The following DDX60 variants were observed in gnomAD, a reference collection of about 807,000 sequenced individuals.
The protein encoded by DDX60 is DExD/H-box helicase 60.
A neutral mutation model predicts 212.8 loss-of-function variants in DDX60; 165 were observed. That is an observed-to-expected ratio of 0.78 (90% CI 0.68 to 0.88). The LOEUF is 0.88. Among genes scored for constraint, DDX60 ranks in the 40% least tolerant of loss-of-function variants. The pLI, the probability that DDX60 is intolerant of heterozygous loss-of-function variation, is 0.00. For synonymous variants in DDX60, 703 were observed against 685.3 expected, an observed-to-expected ratio of 1.03 and a Z score of -0.40; for missense variants, 1,905 against 2,003.9, an observed-to-expected ratio of 0.95 and a Z score of 0.94.
At chr4:168,232,251 T>C (rs749462154) in intron 33 of DDX60, among the ~76,000 whole-genome samples, 1 of 152,198 alleles carries the variant, frequency 6.6e-6, no homozygotes, top group Non-Finnish European at 1.5e-5. Context: ...ATCATGCTCA[T>C]GTATGAGTAG....
chr4:168,307,142 T>C (rs974803777), intron 4 of DDX60, among the ~76,000 whole-genome samples: 1 of 152,190 alleles, frequency 6.6e-6, no homozygotes, highest in African/African-American at 2.4e-5. Flanking sequence ...TGTCTCGGCA[T>C]AACAAAATTG....
At chr4:168,265,735 A>T (rs956917971) in intron 22 of DDX60, 1 of 152,070 alleles carries the variant, frequency 6.6e-6, no homozygotes, top group African/African-American at 2.4e-5. Context: ...AATAATTTTT[A>T]AAAACTATAC....
At chr4:168,258,064 A>G (rs561463140) in intron 25 of DDX60, among the ~76,000 whole-genome samples, 1 of 152,362 alleles carries the variant, frequency 6.6e-6, no homozygotes, top group Admixed American at 6.5e-5. Context: ...TATCTCAGCC[A>G]TGCAAGCATG....
Position 168,306,525 on chromosome 4 carries a change from G to T in DDX60, c.460C>A (p.Gln154Lys). ...ATTAAAAAGTTGAAAAGCTGTGTTT[G>T]TAGATCGTTCAGGCCTTCGTCTGCA... ...IVADEGLNDL[Q>K]TQLFNFLIIH... The change falls in exon 5 of 38, where the codon CAA becomes AAA. Residue 154 changes from glutamine (Q) to lysine (K), a missense_variant. By Grantham distance (53) the Gln-to-Lys change is moderately conservative. Coordinates refer to ENST00000393743, the MANE Select transcript of DDX60 (RefSeq NM_017631.6). The T allele has an allele frequency of 6.2e-7, 1 of 1,614,160 alleles. No individual in the cohort carries two copies. The highest frequency in any genetic ancestry group is 8.5e-7 in the Non-Finnish European group (1 of 1,180,008).
intron 13 of DDX60, 82 bp downstream of exon 13, chr4:168,283,364 A>G: frequency 8.1e-7 from 1 of 1,235,460 alleles, no homozygotes; most frequent in Non-Finnish European, 1.1e-6. Context: ...ATATAAAAAG[A>G]AACCACCAAA....
chr4:168,233,511 T>C (rs985373741), intron 33 of DDX60, among the ~76,000 whole-genome samples: 1 of 152,060 alleles, frequency 6.6e-6, no homozygotes, highest in African/African-American at 2.4e-5. Context: ...ATATGTATTA[T>C]GGAATACTAC....
chr4:168,273,319 A>C lies in DDX60; in HGVS notation c.2534T>G (p.Val845Gly). The change falls in exon 18 of 38, where the codon GTT (valine) becomes GGT (glycine). Residue 845 changes from valine (V) to glycine (G), a missense_variant. Physicochemically the swap from Val to Gly is moderately radical, Grantham distance 109 (BLOSUM62 -3). Transcript: ENST00000393743. Reference sequence around the variant, plus strand: ...ATCATGACGATACTCCCTGGTGAAAACACCACAGAGAACTTCACCACTTGG... The same window carrying C: ...ATCATGACGATACTCCCTGGTGAAACCACCACAGAGAACTTCACCACTTGG... ...NLPSGEVLCGVFTREYRHDAL... is the reference protein window; with the variant it reads ...NLPSGEVLCGGFTREYRHDAL... The C allele has an allele frequency of 6.2e-7, 1 of 1,613,912 alleles. No homozygotes were observed. The highest frequency in any genetic ancestry group is 1.1e-5 in the South Asian group (1 of 91,060).
At chr4:168,265,475 A>G (rs17053889) in intron 22 of DDX60, 53,312 of 151,994 alleles carry the variant, frequency 0.35, 9,722 homozygotes, top group African/African-American at 0.46. Context: ...CTAAGTCTTT[A>G]TGTTCATTCT....
chr4:168,288,720 T>C (rs1035797546), intron 8 of DDX60, among the ~76,000 whole-genome samples: 2 of 152,132 alleles, frequency 1.3e-5, no homozygotes, highest in African/African-American at 4.8e-5. Context: ...AAAAAATGTG[T>C]TTGAGTGTTC....
intron 12 of DDX60, among the ~76,000 whole-genome samples, chr4:168,284,274 T>G (rs917574035): frequency 6.6e-6 from 1 of 152,196 alleles, no homozygotes; most frequent in Non-Finnish European, 1.5e-5. Flanking sequence ...TTGCTATGCC[T>G]ACTCCTAGGT....
intron 34 of DDX60, among the ~76,000 whole-genome samples, chr4:168,224,709 C>A (rs1302912461): frequency 6.6e-6 from 1 of 151,964 alleles, no homozygotes; most frequent in Non-Finnish European, 1.5e-5. Flanking sequence ...TGTACTTTTT[C>A]TTACTGAACT....
intron 32 of DDX60, 63 bp downstream of exon 32, chr4:168,237,223 C>A: frequency 8.5e-7 from 1 of 1,178,496 alleles, no homozygotes; most frequent in South Asian, 3.2e-5. Context: ...TGTTGTTTTT[C>A]TACAAATCTG....
intron 26 of DDX60, among the ~76,000 whole-genome samples, chr4:168,253,077 A>G (rs1008062025): frequency 6.6e-6 from 1 of 152,176 alleles, no homozygotes; most frequent in Non-Finnish European, 1.5e-5. Flanking sequence ...TGCTGGGATT[A>G]CAGGCATGAG....
chr4:168,285,015 T>C, intron 11 of DDX60, 80 bp from the exon 12 acceptor site: 1 of 730,254 alleles, frequency 1.4e-6, no homozygotes, highest in Non-Finnish European at 2.2e-6. Context: ...ATAATGTTTT[T>C]GAAAATCATA....
In DDX60 at chr4:168,252,297, T is replaced by C. The variant is rs542630144; in HGVS notation, c.3705+212A>G. On this transcript the variant is annotated intron_variant, in intron 27 of 37. Transcript: ENST00000393743. Reference sequence around the variant, plus strand: ...GAATTTGACCTAGGAGACTCCTCCATGAACCCTGGCTTAGACTATTATGTC... The same window carrying C: ...GAATTTGACCTAGGAGACTCCTCCACGAACCCTGGCTTAGACTATTATGTC... 2.6e-5 allele frequency among the ~76,000 whole-genome samples: 4 copies of C among 152,388 alleles called. No individual in the cohort carries two copies. The East Asian group carries it at 7.7e-4, about 29-fold the overall frequency.
chr4:168,314,321 TCA>T lies in DDX60; in HGVS notation c.-106-2958_-106-2957del, dbSNP rs10687990. Among the ~76,000 whole-genome samples, 797 of 148,572 alleles carry T rather than the reference TCA, an allele frequency of 5.4e-3. 3 individuals carry two copies. The highest frequency in any genetic ancestry group is 0.017 in the African/African-American group (674 of 40,706). On this transcript the variant is annotated intron_variant, in intron 1 of 37. Coordinates refer to ENST00000393743, the MANE Select transcript of DDX60 (RefSeq NM_017631.6). ...CCTGTAGTAACTAATGATTGAACAC[TCA>T]CACACACACACACACACACAAATTA...
At chr4:168,291,543 C>T (rs993673609) in intron 8 of DDX60, among the ~76,000 whole-genome samples, 2 of 152,132 alleles carry the variant, frequency 1.3e-5, no homozygotes, top group Non-Finnish European at 2.9e-5. Context: ...GAGGCTTTTT[C>T]CTTAGGTTAG....
chr4:168,225,442 G>C, intron 34 of DDX60, 87 bp downstream of exon 34: 1 of 1,341,844 alleles, frequency 7.5e-7, no homozygotes, highest in East Asian at 2.5e-5. Context: ...ACTTTCTGGG[G>C]TTCCACTCTT....
intron 6 of DDX60, among the ~76,000 whole-genome samples, chr4:168,294,771 G>A (rs1484107107): frequency 6.6e-6 from 1 of 151,924 alleles, no homozygotes; most frequent in Non-Finnish European, 1.5e-5. Flanking sequence ...CAAAGTGCTG[G>A]GATTACAGGT....
Sources: gnomAD v4.1 joint callset for allele counts (sites outside exome capture counted in the v4.1 genomes callset) on GRCh38, gnomAD v4.1.1 for gene constraint, MANE v1.5 for transcripts, NCBI Gene and HGNC (gene_info 2026-07-23, HGNC 2026-07-21) for gene names.